The following LIG3 variants were observed in gnomAD, a reference collection of about 807,000 sequenced individuals.
LIG3 encodes ligase II, DNA, ATP-dependent.
LIG3 carries 58 observed loss-of-function variants against 110.9 expected under a neutral mutation model. The ratio of observed to expected loss-of-function variants is 0.52; its 90% confidence interval spans 0.42 to 0.65. The LOEUF (loss-of-function observed/expected upper bound fraction) is 0.65, where lower values mean the gene tolerates loss of function less well. Among genes scored for constraint, LIG3 ranks in the 30% least tolerant of loss-of-function variants. The pLI is 0.00. For missense variants in LIG3, 1,094 were observed against 1,273.8 expected, an observed-to-expected ratio of 0.86 and a Z score of 2.15; for synonymous variants, 422 against 472.8, an observed-to-expected ratio of 0.89 and a Z score of 1.39.
rs761089394 is a variant in LIG3, at chr17:35,001,353, A to G, written c.2428A>G (p.Ile810Val). Residue 810 changes from isoleucine to valine, a missense_variant, in exon 17 of 20, where the codon ATC becomes GTC. Ile to Val is a conservative substitution (Grantham distance 29). Coordinates refer to ENST00000378526, the MANE Select transcript of LIG3 (RefSeq NM_013975.4). Reference protein sequence around the residue: ...ISIRFPRCTRIRDDKDWKSAT... With the variant: ...ISIRFPRCTRVRDDKDWKSAT... ...CATCCGATTCCCTCGCTGCACCCGA[A>G]TCCGAGATGATAAGGACTGGAAATC... is the stretch of plus-strand genomic sequence containing the variant. 10 of 1,614,196 alleles carry G rather than the reference A, an allele frequency of 6.2e-6. No homozygotes were observed. Among genetic ancestry groups the G allele is most frequent in the South Asian group, 3.3e-5 (3 of 91,086 alleles).
At chr17:34,991,209 C>T (rs776240927) in intron 5 of LIG3, 95 bp downstream of exon 5, 13 of 1,242,186 alleles carry the variant, frequency 1.0e-5, no homozygotes, top group Non-Finnish European at 1.4e-5. Flanking sequence ...GGTTGGGACA[C>T]ATACTGTTTT....
At position 34,986,014 on chromosome 17, in the gene LIG3, C is replaced by A. The variant is rs753895290; in HGVS notation, c.574C>A (p.Pro192Thr). The A allele has an allele frequency of 5.6e-6, 9 of 1,613,908 alleles. No individual in the cohort carries two copies. In the South Asian group the frequency reaches 9.9e-5, roughly 18 times the overall value. The change falls in exon 3 of 20, where the codon CCA (proline) becomes ACA (threonine). Residue 192 changes from proline (P) to threonine (T), a missense_variant. Coordinates refer to ENST00000378526, the MANE Select transcript of LIG3 (RefSeq NM_013975.4). ...TCTGTCTTCTAAGGCAGCAGGTACA[C>A]CAAAGAAGAAAGCTGTTGTCCAGGC... ...ADLSSKAAGT[P>T]KKKAVVQAKL... is the part of the protein sequence containing the mutation.
chr17:34,998,757 T>A (rs778129788), intron 14 of LIG3, 30 bp downstream of exon 14: 2 of 1,608,132 alleles, frequency 1.2e-6, no homozygotes, highest in Non-Finnish European at 1.7e-6. Flanking sequence ...CCTGGGGTGG[T>A]ACTGTTTTAG....
At position 34,992,521 on chromosome 17, in the gene LIG3, C is replaced by A; in HGVS notation, c.1287-3C>A. On this transcript the variant is annotated splice_polypyrimidine_tract_variant and splice_region_variant and intron_variant, in intron 7 of 19. Transcript: ENST00000378526. The stretch of plus-strand genomic sequence containing the variant: ...GTTTCCTTGTTCCTGTACCCCTTGG[C>A]AGGTTAGACGCCCTTGACCCCAATG... 6.3e-7 allele frequency: 1 copy of A among 1,578,424 alleles called. No individual in the cohort carries two copies. The highest frequency in any genetic ancestry group is 8.6e-7 in the Non-Finnish European group (1 of 1,163,720).
downstream of LIG3, chr17:35,010,003 G>A (rs2090925876): frequency 6.5e-6 from 1 of 152,674 alleles, no homozygotes; most frequent in Non-Finnish European, 1.5e-5. Flanking sequence ...CCCAACTCCT[G>A]CAAAGGCTGT....
intron 8 of LIG3, 64 bp from the exon 9 acceptor site, chr17:34,994,212 C>G: frequency 1.3e-6 from 2 of 1,535,174 alleles, no homozygotes; most frequent in East Asian, 2.3e-5. Flanking sequence ...TGCAAGGTCT[C>G]TGGCTGTCGC....
intron 3 of LIG3, 63 bp from the exon 4 acceptor site, chr17:34,989,403 T>C (rs953137946): frequency 4.1e-6 from 6 of 1,446,424 alleles, no homozygotes; most frequent in Admixed American, 1.8e-5. Context: ...GTTAGTTTCC[T>C]TCCTTCCCTT....
rs369596036 is a variant in LIG3 at position 34,996,266 on chromosome 17, C to A, written c.1743+71C>A. On this transcript the variant is annotated intron_variant, in intron 10 of 19. Coordinates refer to ENST00000378526, the MANE Select transcript of LIG3 (RefSeq NM_013975.4). ...AGTATGTACATGTGGGTGCACGCTG[C>A]GGTCTGAAAAGGGAGGAAATATCCC... The A allele has an allele frequency of 3.1e-5, 48 of 1,523,954 alleles. 1 individual carries two copies. The Middle Eastern group carries it at 5.2e-4, about 16-fold the overall frequency. The allele number at this position is 1,523,954 out of a possible 1,614,324, so 94.4% of individuals were successfully genotyped here.
At chr17:34,993,326 T>A (rs1161024885) in intron 8 of LIG3, among the ~76,000 whole-genome samples, 1 of 152,206 alleles carries the variant, frequency 6.6e-6, no homozygotes, top group African/African-American at 2.4e-5. Flanking sequence ...AGTGCTTTTT[T>A]TGAAACTGTC....
Position 34,997,759 on chromosome 17 carries a change from G to A in LIG3, c.1845G>A (p.Lys615=), listed in dbSNP as rs776186665. The A allele has an allele frequency of 2.5e-6, 4 of 1,614,158 alleles. No individual in the cohort carries two copies. In the East Asian group the frequency reaches 8.9e-5, roughly 36 times the overall value. Residue 615 remains lysine (K), a synonymous_variant, in exon 12 of 20, where the codon AAG becomes AAA. Transcript: ENST00000378526. The part of the protein sequence containing the change: ...LMDRPLCERR[K]FLHDNMVEIP... ...TCAGACCTCTGTGTGAGCGGCGGAA[G>A]TTTCTTCATGACAACATGGTTGAAA...
At chr17:34,999,650 C>G (rs1189478626) in intron 15 of LIG3, 132 bp from the exon 16 acceptor site, 5 of 1,078,194 alleles carry the variant, frequency 4.6e-6, no homozygotes, top group Non-Finnish European at 6.9e-6. Context: ...CATACCCACT[C>G]TGGGCTGGGA....
intron 3 of LIG3, among the ~76,000 whole-genome samples, chr17:34,986,541 C>T (rs1192324792): frequency 6.6e-6 from 1 of 152,176 alleles, no homozygotes; most frequent in African/African-American, 2.4e-5. Flanking sequence ...AGGCTGGTCT[C>T]AAACTCCTGA....
intron 7 of LIG3, 130 bp downstream of exon 7, chr17:34,992,165 C>A: frequency 1.3e-6 from 1 of 788,058 alleles, no homozygotes; most frequent in Non-Finnish European, 2.1e-6. Context: ...TCTGTGAGAC[C>A]CTGATCTGTC....
At position 34,983,117 on chromosome 17, in the gene LIG3, T is replaced by C; in HGVS notation, c.112T>C (p.Trp38Arg). The part of the protein sequence containing the change: ...HWRDVRQFSQ[W>R]SETDLLHGHP... The stretch of plus-strand genomic sequence containing the variant: ...GCGTGATGTAAGACAATTCAGCCAG[T>C]GGTCAGAAACAGATCTGCTTCATGG... The change falls in exon 2 of 20, where the codon TGG becomes CGG. Residue 38 changes from tryptophan to arginine, a missense_variant. Trp to Arg is a moderately radical substitution (Grantham distance 101). Coordinates refer to ENST00000378526, the MANE Select transcript of LIG3 (RefSeq NM_013975.4). The C allele has an allele frequency of 6.2e-7, 1 of 1,614,192 alleles. No individual in the cohort carries two copies. The highest frequency in any genetic ancestry group is 8.5e-7 in the Non-Finnish European group (1 of 1,180,034).
intron 3 of LIG3, among the ~76,000 whole-genome samples, chr17:34,988,890 C>T (rs2090687132): frequency 6.6e-6 from 1 of 152,170 alleles, no homozygotes; most frequent in African/African-American, 2.4e-5. Flanking sequence ...AGGCTTCTTC[C>T]AGCTCTGACA....
At chr17:34,991,172 G>A (rs2090716283) in intron 5 of LIG3, 58 bp downstream of exon 5, 2 of 1,531,318 alleles carry the variant, frequency 1.3e-6, no homozygotes, top group Non-Finnish European at 1.8e-6. Flanking sequence ...GCCAAGCCAG[G>A]CACCTGCAGC....
rs2090904903 is a variant in LIG3 at position 35,007,706 on chromosome 17, C to T, written c.*3200C>T. ...GGAGGTTTGTACAAGCCTGCGCACA[C>T]ACAGCAGTCTGTCACGAGGCTGGGC... On this transcript the variant is annotated 3_prime_UTR_variant, in exon 20 of 20. Transcript: ENST00000378526. 1 of 152,136 alleles carries T rather than the reference C, an allele frequency of 6.6e-6. No homozygotes were observed. Among genetic ancestry groups the T allele is most frequent in the African/African-American group, 2.4e-5 (1 of 41,422 alleles). 9.4% of individuals were successfully genotyped at this position (152,136 alleles called of 1,614,324 possible). A position where few individuals can be genotyped will look rare whatever the true frequency, so the allele number is the denominator to read the frequency against.
intron 10 of LIG3, 151 bp from the exon 11 acceptor site, chr17:34,996,423 C>G: frequency 1.3e-6 from 1 of 789,496 alleles, no homozygotes; most frequent in South Asian, 1.7e-5. Flanking sequence ...GCACTATCTG[C>G]TCAGTGCCCT....
chr17:34,996,362 A>C, intron 10 of LIG3, 167 bp downstream of exon 10: 2 of 917,356 alleles, frequency 2.2e-6, no homozygotes, highest in Non-Finnish European at 3.2e-6. Flanking sequence ...TTTTCTCCTA[A>C]AAAGGGGCTG....
Sources: gnomAD v4.1 joint callset for allele counts (sites outside exome capture counted in the v4.1 genomes callset) on GRCh38, gnomAD v4.1.1 for gene constraint, MANE v1.5 for transcripts, NCBI Gene and HGNC (gene_info 2026-07-23, HGNC 2026-07-21) for gene names.